Variants in MKLN1 observed in about 807,000 individuals in gnomAD.
MKLN1 encodes the protein muskelin.
A neutral mutation model predicts 99.0 loss-of-function variants in MKLN1; 18 were observed. The ratio of observed to expected loss-of-function variants is 0.18; its 90% CI spans 0.13 to 0.27. The LOEUF is 0.27. Among genes scored for constraint, MKLN1 ranks in the 10% least tolerant of loss-of-function variants. The pLI, the probability that MKLN1 is intolerant of heterozygous loss-of-function variation, is 1.00. For missense variants in MKLN1, 621 were observed against 875.9 expected, an observed-to-expected ratio of 0.71 and a Z score of 3.67; for synonymous variants, 288 against 293.2, an observed-to-expected ratio of 0.98 and a Z score of 0.18.
Position 131,445,760 on chromosome 7 carries a change from T to C in MKLN1, c.1396-14T>C. The C allele has an allele frequency of 1.3e-6, 2 of 1,583,154 alleles. No homozygotes were observed. Among genetic ancestry groups the C allele is most frequent in the East Asian group, 2.2e-5 (1 of 44,616 alleles). On this transcript the variant is annotated splice_polypyrimidine_tract_variant and intron_variant, in intron 11 of 17. Coordinates refer to ENST00000352689, the MANE Select transcript of MKLN1 (RefSeq NM_013255.5). Reference sequence around the variant, plus strand: ...ATAAGTTACTCCTTTCTTTTTTTTTTTCTTCTTTTTCAGAAAAATCGTTGC... The same window carrying C: ...ATAAGTTACTCCTTTCTTTTTTTTTCTCTTCTTTTTCAGAAAAATCGTTGC...
At chr7:131,346,520 CAAAAAAAA>C (rs57016059) in intron 1 of MKLN1, among the ~76,000 whole-genome samples, 1 of 137,958 alleles carries the variant, frequency 7.2e-6, no homozygotes, top group Non-Finnish European at 1.6e-5. Context: ...GACTCAGTCT[CAAAAAAAA>C]AAAAAACCCA....
At chr7:131,486,622 A>T (rs1324747448) in intron 17 of MKLN1, among the ~76,000 whole-genome samples, 1 of 152,136 alleles carries the variant, frequency 6.6e-6, no homozygotes, top group Admixed American at 6.5e-5. Context: ...ACACCATGGC[A>T]TATATAACTC....
chr7:131,334,273 C>T (rs987439886), intron 1 of MKLN1, among the ~76,000 whole-genome samples: 4 of 152,260 alleles, frequency 2.6e-5, no homozygotes, highest in South Asian at 2.1e-4. Flanking sequence ...CCCAGGAGAC[C>T]GGATACTATT....
intron 1 of MKLN1, among the ~76,000 whole-genome samples, chr7:131,112,693 A>G (rs916869483): frequency 1.3e-5 from 2 of 152,186 alleles, no homozygotes; most frequent in Non-Finnish European, 2.9e-5. Flanking sequence ...GCACTCAACC[A>G]TGCCTAGCCT....
At chr7:131,292,357 T>G (rs974499625) in intron 3 of MKLN1, among the ~76,000 whole-genome samples, 1 of 152,162 alleles carries the variant, frequency 6.6e-6, no homozygotes, top group African/African-American at 2.4e-5. Context: ...AAGGGTCATC[T>G]GTAGATGATA....
Position 131,491,309 on chromosome 7 carries a change from A to G in MKLN1, c.*3581A>G, listed in dbSNP as rs1797416626. 1 of 152,090 alleles carries G rather than the reference A, an allele frequency of 6.6e-6. No individual in the cohort carries two copies. The highest frequency in any genetic ancestry group is 1.5e-5 in the Non-Finnish European group (1 of 68,012). The allele number at this position is 152,090 out of a possible 1,614,324, so 9.4% of individuals were successfully genotyped here. ...TCCCTTTGTAGAAATTCTTGCCTGA[A>G]TTCTCACCAAGTTTTGAATTCCTAA... On this transcript the variant is annotated 3_prime_UTR_variant, in exon 18 of 18. Coordinates refer to ENST00000352689, the MANE Select transcript of MKLN1 (RefSeq NM_013255.5).
chr7:131,401,838 A>ACTTAAAAAATGCTTTATTG (rs1384316702), intron 6 of MKLN1, among the ~76,000 whole-genome samples: 2 of 152,198 alleles, frequency 1.3e-5, no homozygotes. Flanking sequence ...ATATACCTTA[A>ACTTAAAAAATGCTTTATTG]CTTAAAAAAT....
intron 2 of MKLN1, among the ~76,000 whole-genome samples, 168 bp from the exon 3 acceptor site, chr7:131,386,951 AC>A (rs1794046837): frequency 1.3e-5 from 2 of 152,014 alleles, no homozygotes; most frequent in African/African-American, 2.4e-5. Context: ...TGGTGGGATA[AC>A]CTTTATAAGG....
intron 3 of MKLN1, among the ~76,000 whole-genome samples, chr7:131,299,956 A>G (rs1182523701): frequency 6.6e-6 from 1 of 152,202 alleles, no homozygotes; most frequent in Admixed American, 6.5e-5. Context: ...TAAAAGCAAG[A>G]TATTTTGTGG....
chr7:131,210,642 G>T (rs1181482799), intron 3 of MKLN1, among the ~76,000 whole-genome samples: 2 of 135,870 alleles, frequency 1.5e-5, no homozygotes, highest in East Asian at 4.3e-4. Context: ...GGTCAAGGCT[G>T]CTGTGAGCTG....
chr7:131,213,393 T>A (rs1423820931), intron 3 of MKLN1, among the ~76,000 whole-genome samples: 1 of 152,216 alleles, frequency 6.6e-6, no homozygotes, highest in Non-Finnish European at 1.5e-5. Flanking sequence ...TTTTAGTTTG[T>A]TGTCAGTGAT....
intron 3 of MKLN1, among the ~76,000 whole-genome samples, chr7:131,234,228 C>T (rs1471376627): frequency 1.3e-5 from 2 of 152,192 alleles, no homozygotes; most frequent in Non-Finnish European, 2.9e-5. Flanking sequence ...GATCCGCCTG[C>T]CTCGGCCTCC....
intron 3 of MKLN1, among the ~76,000 whole-genome samples, chr7:131,257,782 A>G (rs374287135): frequency 6.6e-6 from 1 of 152,100 alleles, no homozygotes; most frequent in Non-Finnish European, 1.5e-5. Context: ...TCCTTCTCCC[A>G]TGTGGGGAAA....
At chr7:131,218,397 C>G (rs1212285820) in intron 3 of MKLN1, among the ~76,000 whole-genome samples, 3 of 152,082 alleles carry the variant, frequency 2.0e-5, no homozygotes, top group Non-Finnish European at 4.4e-5. Context: ...TGTGGACTTA[C>G]GTTAGTTATA....
rs139641612 is a variant in MKLN1 at position 131,310,258 on chromosome 7, G to A, written c.-178-65166G>A. The stretch of plus-strand genomic sequence containing the variant: ...GGGGTGTGTGTAGGACAGGATTGCC[G>A]TCTCATTTTAATACCTCTCTGGATC... On this transcript the variant is annotated intron_variant, in intron 3 of 7. Coordinates refer to the MKLN1 transcript ENST00000416992. 1.7e-3 allele frequency: 254 copies of A among 152,296 alleles called. 3 individuals carry two copies. The highest frequency in any genetic ancestry group is 5.7e-3 in the African/African-American group (236 of 41,564). The allele number at this position is 152,296 out of a possible 1,614,324, so 9.4% of individuals were successfully genotyped here.
chr7:131,329,545 G>T (rs1490678221), intron 1 of MKLN1, among the ~76,000 whole-genome samples: 5 of 152,206 alleles, frequency 3.3e-5, no homozygotes, highest in African/African-American at 9.7e-5. Flanking sequence ...ATTATGGACA[G>T]TTGGGAATTG....
rs182611807 is a variant in MKLN1 at position 131,414,048 on chromosome 7, C to A, written c.782-597C>A. On this transcript the variant is annotated intron_variant, in intron 7 of 17. Coordinates refer to ENST00000352689, the MANE Select transcript of MKLN1 (RefSeq NM_013255.5). ...AAATAGTTGGTAAATTAGGTGGGAA[C>A]TGATTGCTGAAATATTGGCACAAAA... Among the ~76,000 whole-genome samples the A allele has an allele frequency of 7.3e-4, 111 of 152,160 alleles. 1 individual carries two copies. The highest frequency in any genetic ancestry group is 2.6e-3 in the African/African-American group (107 of 41,496).
intron 2 of MKLN1, 151 bp from the exon 3 acceptor site, chr7:131,386,969 T>C (rs780432064): frequency 1.8e-6 from 1 of 554,694 alleles, no homozygotes; most frequent in South Asian, 3.3e-5. Context: ...AAGGCTGTTA[T>C]GTACTATTCT....
At chr7:131,404,374 G>C (rs1794639188) in intron 6 of MKLN1, among the ~76,000 whole-genome samples, 1 of 152,152 alleles carries the variant, frequency 6.6e-6, no homozygotes, top group South Asian at 2.1e-4. Flanking sequence ...CCAGACTGGA[G>C]TACAGTGGCA....
Sources: allele counts gnomAD v4.1 joint callset (sites outside exome capture counted in the v4.1 genomes callset), GRCh38; gene constraint gnomAD v4.1.1; transcripts MANE v1.5; gene names NCBI Gene and HGNC (gene_info 2026-07-23, HGNC 2026-07-21).